Variants in CYB5RL observed in about 807,000 individuals in gnomAD.
The protein encoded by CYB5RL is cytochrome b5 reductase like.
In CYB5RL, 38 loss-of-function variants were observed where a neutral mutation model predicts 37.5. The observed-to-expected ratio is 1.01, with a 90% CI of 0.78 to 1.33. The LOEUF is 1.33. Ranked by LOEUF, CYB5RL falls within the 40% of genes most tolerant of loss-of-function variation. The pLI, the probability that CYB5RL is intolerant of heterozygous loss-of-function variation, is 0.00. For missense variants in CYB5RL, 388 were observed against 394.4 expected, an observed-to-expected ratio of 0.98 and a Z score of 0.14; for synonymous variants, 141 against 151.9, an observed-to-expected ratio of 0.93 and a Z score of 0.53.
At chr1:54,194,675 C>A (rs1413852379) in intron 3 of CYB5RL, among the ~76,000 whole-genome samples, 4 of 152,118 alleles carry the variant, frequency 2.6e-5, no homozygotes, top group African/African-American at 9.7e-5. Context: ...GATTACGATG[C>A]CAGATGGCAT....
In CYB5RL at chr1:54,187,681, C is replaced by T. The variant is rs530944934; in HGVS notation, c.406G>A (p.Ala136Thr). 2,027 of 1,613,978 alleles carry T rather than the reference C, an allele frequency of 1.3e-3. 38 individuals carry two copies. In the South Asian group the frequency reaches 0.02, roughly 16 times the overall value. ...RAYTPISPAN[A>T]EGYFEVLIKC... ...ATTAACACTTCAAAGTATCCTTCTG[C>T]GTTGGCAGGGCTGATGGGCGTATAG... The change falls in exon 5 of 8, where the codon GCA (alanine) becomes ACA (threonine). Residue 136 changes from alanine (A) to threonine (T), a missense_variant. Ala to Thr is a moderately conservative substitution (Grantham distance 58). Coordinates refer to ENST00000534324, the MANE Select transcript of CYB5RL (RefSeq NM_001031672.4).
At chr1:54,187,592 C>A (rs938063583) in intron 5 of CYB5RL, 60 bp downstream of exon 5, 90 of 1,534,156 alleles carry the variant, frequency 5.9e-5, no homozygotes, top group Non-Finnish European at 7.9e-5. Flanking sequence ...CTTTAGCTCT[C>A]CATTCTTAGA....
At chr1:54,176,927 C>G (rs1660032869) in intron 7 of CYB5RL, among the ~76,000 whole-genome samples, 1 of 152,082 alleles carries the variant, frequency 6.6e-6, no homozygotes, top group Non-Finnish European at 1.5e-5. Context: ...GTGAGGGGTA[C>G]AGAGGTGGGA....
In CYB5RL at chr1:54,180,915, C is replaced by T. The variant is rs544687934; in HGVS notation, c.541-1563G>A. Among the ~76,000 whole-genome samples, 87 of 152,248 alleles carry T rather than the reference C, an allele frequency of 5.7e-4. 1 individual carries two copies. The highest frequency in any genetic ancestry group is 5.9e-4 in the Admixed American group (9 of 15,296). ...TGCGTGTAATCTCAGCTACTCAAGACTGAGACAGGAGGATCGCTTGAGCCC... is the reference window on the plus strand; with the variant it reads ...TGCGTGTAATCTCAGCTACTCAAGATTGAGACAGGAGGATCGCTTGAGCCC... On this transcript the variant is annotated intron_variant, in intron 6 of 7. Transcript: ENST00000534324.
chr1:54,177,678 G>A (rs138741524), intron 7 of CYB5RL, among the ~76,000 whole-genome samples: 20 of 152,310 alleles, frequency 1.3e-4, no homozygotes, highest in Non-Finnish European at 1.8e-4. Flanking sequence ...GGAGCATGAT[G>A]GGAGTATAAG....
At chr1:54,192,186 T>C in intron 3 of CYB5RL, among the ~76,000 whole-genome samples, 1 of 150,190 alleles carries the variant, frequency 6.7e-6, no homozygotes, top group East Asian at 2.0e-4. Context: ...TGCAAATTTT[T>C]TTTTTTTTTT....
chr1:54,189,058 C>T (rs1363428262), intron 4 of CYB5RL, among the ~76,000 whole-genome samples: 1 of 152,282 alleles, frequency 6.6e-6, no homozygotes, highest in Non-Finnish European at 1.5e-5. Flanking sequence ...TGGTGCATGC[C>T]TGTAGTCCCA....
intron 3 of CYB5RL, among the ~76,000 whole-genome samples, chr1:54,193,821 T>A (rs1010479472): frequency 6.7e-6 from 1 of 150,056 alleles, no homozygotes; most frequent in African/African-American, 2.5e-5. Context: ...CAAAAAAAAA[T>A]TAGCCGGGCG....
At chr1:54,183,615 G>A (rs929705295) in intron 6 of CYB5RL, among the ~76,000 whole-genome samples, 3 of 152,202 alleles carry the variant, frequency 2.0e-5, no homozygotes, top group Admixed American at 1.3e-4. Flanking sequence ...TCAAGTACAA[G>A]GGTCTGATGT....
intron 1 of CYB5RL, among the ~76,000 whole-genome samples, chr1:54,199,025 G>A (rs1284809166): frequency 6.6e-6 from 1 of 152,098 alleles, no homozygotes; most frequent in Non-Finnish European, 1.5e-5. Flanking sequence ...TAAAGAGTTG[G>A]TTCATGCGTC....
chr1:54,189,574 C>T (rs1450297037), intron 4 of CYB5RL, among the ~76,000 whole-genome samples: 3 of 152,212 alleles, frequency 2.0e-5, no homozygotes, highest in African/African-American at 7.2e-5. Flanking sequence ...GCTACATTGC[C>T]TCCATGCTGC....
At chr1:54,178,207 T>C (rs1416524967) in intron 7 of CYB5RL, among the ~76,000 whole-genome samples, 1 of 152,120 alleles carries the variant, frequency 6.6e-6, no homozygotes, top group African/African-American at 2.4e-5. Context: ...GAAATCCAAT[T>C]TCCTCACCCT....
chr1:54,188,085 A>G (rs140238656), intron 4 of CYB5RL, among the ~76,000 whole-genome samples: 2 of 152,314 alleles, frequency 1.3e-5, no homozygotes, highest in African/African-American at 4.8e-5. Flanking sequence ...TCAAACAAAC[A>G]AACAACTGCA....
intron 5 of CYB5RL, 73 bp from the exon 6 acceptor site, chr1:54,184,338 G>C: frequency 1.6e-6 from 2 of 1,259,768 alleles, no homozygotes; most frequent in Non-Finnish European, 1.1e-6. Flanking sequence ...AACCATTAAT[G>C]TGGAGCCCGT....
rs1417201409 is a variant in CYB5RL at position 54,187,690 on chromosome 1, G to C, written c.397C>G (p.Pro133Ala). 1.9e-6 allele frequency: 3 copies of C among 1,613,954 alleles called. No homozygotes were observed. Among genetic ancestry groups the C allele is most frequent in the Non-Finnish European group, 2.5e-6 (3 of 1,179,884 alleles). ...EIQRAYTPIS[P>A]ANAEGYFEVL... ...TCAAAGTATCCTTCTGCGTTGGCAG[G>C]GCTGATGGGCGTATAGGCTCTCTGA... The change falls in exon 5 of 8, where the codon CCT becomes GCT. Residue 133 changes from proline to alanine, a missense_variant. Transcript: ENST00000534324.
intron 6 of CYB5RL, among the ~76,000 whole-genome samples, chr1:54,182,751 C>T (rs1660197660): frequency 6.6e-6 from 1 of 152,000 alleles, no homozygotes; most frequent in South Asian, 2.1e-4. Context: ...CAGGATTTTG[C>T]CATGTTGGCC....
chr1:54,171,514 G>A lies in CYB5RL; in HGVS notation c.*3105C>T, dbSNP rs779107335. The A allele has an allele frequency of 2.3e-6, 1 of 438,292 alleles. No homozygotes were observed. Among genetic ancestry groups the A allele is most frequent in the African/African-American group, 2.0e-5 (1 of 49,572 alleles). 27.2% of individuals were successfully genotyped at this position (438,292 alleles called of 1,614,324 possible). A position where few individuals can be genotyped will look rare whatever the true frequency, so the allele number is the denominator to read the frequency against. On this transcript the variant is annotated 3_prime_UTR_variant, in exon 8 of 8. Transcript: ENST00000534324. ...GACGTTGGTAAACATGGTGAGGGCT[G>A]AACTAAAGCCAATGCCGCTTCTGCG...
chr1:54,186,100 G>C (rs1303641173), intron 5 of CYB5RL: 1 of 154,258 alleles, frequency 6.5e-6, no homozygotes, highest in Non-Finnish European at 1.4e-5. Flanking sequence ...CCATTCTCAG[G>C]TATGTCCTTA....
intron 6 of CYB5RL, among the ~76,000 whole-genome samples, chr1:54,183,595 C>T (rs1660216703): frequency 6.6e-6 from 1 of 152,214 alleles, no homozygotes. Flanking sequence ...GGCATAAGGG[C>T]TCCTAAACGT....
Sources: allele counts gnomAD v4.1 joint callset (sites outside exome capture counted in the v4.1 genomes callset), GRCh38; gene constraint gnomAD v4.1.1; transcripts MANE v1.5; gene names NCBI Gene and HGNC (gene_info 2026-07-23, HGNC 2026-07-21).